Variants in GIGYF2 observed in about 807,000 individuals in gnomAD.
GIGYF2 encodes the protein GRB10-interacting GYF protein 2.
In GIGYF2, 25 loss-of-function variants were observed where a neutral mutation model predicts 208.1. The ratio of observed to expected loss-of-function variants is 0.12; its 90% confidence interval spans 0.09 to 0.17. The LOEUF (loss-of-function observed/expected upper bound fraction) is 0.17. GIGYF2 is among the 10% of genes least tolerant of loss of function. GIGYF2 has a pLI of 1.00. For missense variants in GIGYF2, 1,302 were observed against 1,579.4 expected (o/e 0.82, Z 2.98); for synonymous variants, 534 against 543.8 (o/e 0.98, Z 0.25).
chr2:232,859,473 A>C lies in GIGYF2; in HGVS notation c.*2613A>C, dbSNP rs1157124366. ...TTTGTTTAAATTCAGAGATTTAAAA[A>C]CATCCCAGACAAGACAGTTTGATTA... is the stretch of plus-strand genomic sequence containing the variant. On this transcript the variant is annotated 3_prime_UTR_variant, in exon 29 of 29. Coordinates refer to ENST00000373563, the MANE Select transcript of GIGYF2 (RefSeq NM_001103146.3). 1 of 152,194 alleles carries C rather than the reference A, an allele frequency of 6.6e-6. No homozygotes were observed. The highest frequency in any genetic ancestry group is 1.5e-5 in the Non-Finnish European group (1 of 68,108). 9.4% of individuals were successfully genotyped at this position (152,194 alleles called of 1,614,324 possible).
chr2:232,729,954 A>C lies in GIGYF2; in HGVS notation c.-43-5201A>C, dbSNP rs1697381289. Reference sequence around the variant, plus strand: ...TCTTCCTATAGTGTCTTCCATATCCACAGGACCATACTTGACCAAAGCCTT... The same window carrying C: ...TCTTCCTATAGTGTCTTCCATATCCCCAGGACCATACTTGACCAAAGCCTT... On this transcript the variant is annotated intron_variant, in intron 2 of 28. Coordinates refer to ENST00000373563, the MANE Select transcript of GIGYF2 (RefSeq NM_001103146.3). 1.7e-5 allele frequency: 12 copies of C among 723,364 alleles called. No homozygotes were observed. The South Asian group carries it at 1.7e-4, about 10-fold the overall frequency. 44.8% of individuals were successfully genotyped at this position (723,364 alleles called of 1,614,324 possible).
At chr2:232,822,089 A>C (rs905497797) in intron 21 of GIGYF2, among the ~76,000 whole-genome samples, 2 of 152,062 alleles carry the variant, frequency 1.3e-5, no homozygotes, top group Non-Finnish European at 2.9e-5. Context: ...CTTTTTATTC[A>C]AGACTGCTTG....
chr2:232,847,302 T>C (rs947810651), intron 26 of GIGYF2, 46 bp from the exon 27 acceptor site: 1 of 1,596,698 alleles, frequency 6.3e-7, no homozygotes. Flanking sequence ...AAGTTCTCTT[T>C]CATTATTTCA....
intron 3 of GIGYF2, 49 bp from the exon 4 acceptor site, chr2:232,747,565 AG>A: frequency 6.2e-7 from 1 of 1,609,322 alleles, no homozygotes; most frequent in African/African-American, 1.3e-5. Flanking sequence ...TAGTATAAAA[AG>A]TCTGTAGCAC....
chr2:232,749,699 G>C (rs751463700), intron 5 of GIGYF2, among the ~76,000 whole-genome samples: 1 of 152,188 alleles, frequency 6.6e-6, no homozygotes, highest in Non-Finnish European at 1.5e-5. Flanking sequence ...TGGAAAGCTT[G>C]AATGTTACTT....
intron 8 of GIGYF2, among the ~76,000 whole-genome samples, chr2:232,773,038 G>GGGAT: frequency 6.6e-6 from 1 of 152,160 alleles, no homozygotes; most frequent in African/African-American, 2.4e-5. Flanking sequence ...ATGGAACACT[G>GGGAT]GGATGATTGT....
rs371849984 is a variant in GIGYF2 at position 232,771,168 on chromosome 2, A to C, written c.532+9732A>C. On this transcript the variant is annotated intron_variant, in intron 8 of 28. Transcript: ENST00000373563. ...GCACTGCAAAGACAAGCCAGTGGACAACAAAAGAAGCAGAAAAGACCAACA... is the reference window on the plus strand; with the variant it reads ...GCACTGCAAAGACAAGCCAGTGGACCACAAAAGAAGCAGAAAAGACCAACA... 4 of 1,613,904 alleles carry C rather than the reference A, an allele frequency of 2.5e-6. No individual in the cohort carries two copies. The African/African-American group carries it at 5.3e-5, about 22-fold the overall frequency.
chr2:232,797,817 C>CT (rs1700270631), intron 14 of GIGYF2, among the ~76,000 whole-genome samples: 1 of 151,908 alleles, frequency 6.6e-6, no homozygotes, highest in Admixed American at 6.6e-5. Context: ...CCCATCTCTA[C>CT]TAAAAATACG....
chr2:232,815,513 A>G lies in GIGYF2; in HGVS notation c.2108-124A>G, dbSNP rs140930598. 4.9e-4 allele frequency: 350 copies of G among 712,842 alleles called. 2 individuals are homozygous for G. The East Asian group carries it at 9.4e-3, about 19-fold the overall frequency. The allele number at this position is 712,842 out of a possible 1,614,324, so 44.2% of individuals were successfully genotyped here. A position where few individuals can be genotyped will look rare whatever the true frequency, so the allele number is the denominator to read the frequency against. ...TGGCAGTTCAGTCTTCTCAGAGGCA[A>G]AACAGATGTGTTTGGTGGAGCTCAT... On this transcript the variant is annotated intron_variant, in intron 18 of 28. Transcript: ENST00000373563.
intron 5 of GIGYF2, among the ~76,000 whole-genome samples, chr2:232,753,309 A>G (rs1698404418): frequency 6.6e-6 from 1 of 152,002 alleles, no homozygotes; most frequent in Admixed American, 6.6e-5. Context: ...TTTTTAGTAG[A>G]GATGGGGTTT....
intron 26 of GIGYF2, among the ~76,000 whole-genome samples, chr2:232,846,950 A>G (rs1559167438): frequency 1.3e-5 from 2 of 152,262 alleles, no homozygotes. Flanking sequence ...AAAAAATCTC[A>G]GTGGATTGAA....
At chr2:232,705,366 A>T (rs912549666) in intron 2 of GIGYF2, 10 of 152,114 alleles carry the variant, frequency 6.6e-5, no homozygotes, top group African/African-American at 2.4e-4. Context: ...ACTAAAGCAA[A>T]CTTTTTTAAT....
intron 15 of GIGYF2, among the ~76,000 whole-genome samples, chr2:232,808,458 A>G (rs192380064): frequency 2.4e-3 from 362 of 152,252 alleles, no homozygotes; most frequent in Admixed American, 4.7e-3. Context: ...ATTGTCTTTG[A>G]CCTGAATATT....
At position 232,729,703 on chromosome 2, in the gene GIGYF2, T is replaced by C. The variant is rs994752407; in HGVS notation, c.-43-5452T>C. On this transcript the variant is annotated intron_variant, in intron 2 of 28. Transcript: ENST00000373563. ...ATGAGCCCCAGACTAAGCCATCTGC[T>C]TGAATGCCTCTGATGCACTCCTCTA... 6.4e-6 allele frequency: 5 copies of C among 777,094 alleles called. No individual in the cohort carries two copies. In the East Asian group the frequency reaches 9.9e-5, roughly 15 times the overall value. The allele number at this position is 777,094 out of a possible 1,614,324, so 48.1% of individuals were successfully genotyped here.
At chr2:232,749,513 C>CTG (rs1344073063) in intron 5 of GIGYF2, among the ~76,000 whole-genome samples, 16 of 151,172 alleles carry the variant, frequency 1.1e-4, no homozygotes, top group Admixed American at 6.6e-4. Flanking sequence ...GTGTGTGTGT[C>CTG]TGTGTGTGTG....
chr2:232,787,918 C>T (rs938255463), intron 9 of GIGYF2, among the ~76,000 whole-genome samples: 3 of 152,178 alleles, frequency 2.0e-5, no homozygotes, highest in African/African-American at 4.8e-5. Flanking sequence ...TAAAAATGCT[C>T]AAACTGTTCT....
chr2:232,845,961 A>T, intron 26 of GIGYF2, 75 bp downstream of exon 26: 1 of 971,414 alleles, frequency 1.0e-6, no homozygotes, highest in Non-Finnish European at 1.6e-6. Context: ...AAATTTGAAC[A>T]GTGGGCCAAA....
At chr2:232,763,757 G>A (rs1383340352) in intron 8 of GIGYF2, among the ~76,000 whole-genome samples, 1 of 152,036 alleles carries the variant, frequency 6.6e-6, no homozygotes, top group Non-Finnish European at 1.5e-5. Context: ...CTTGAACCCG[G>A]GAGGTGGAGG....
At chr2:232,792,968 A>T (rs1318681537) in intron 12 of GIGYF2, among the ~76,000 whole-genome samples, 1 of 152,178 alleles carries the variant, frequency 6.6e-6, no homozygotes, top group Non-Finnish European at 1.5e-5. Flanking sequence ...AAAAAGTAAG[A>T]TAAGGGTTCA....
Sources: gnomAD v4.1 joint callset for allele counts (sites outside exome capture counted in the v4.1 genomes callset) on GRCh38, gnomAD v4.1.1 for gene constraint, MANE v1.5 for transcripts, NCBI Gene and HGNC (gene_info 2026-07-23, HGNC 2026-07-21) for gene names.